LARGE1: variants seen among roughly 807,000 people sequenced by gnomAD.
LARGE1 encodes the protein LARGE xylosyl- and glucuronyltransferase 1.
In LARGE1, 43 loss-of-function variants were observed where a neutral mutation model predicts 87.6. The ratio of observed to expected loss-of-function variants is 0.49; its 90% CI spans 0.38 to 0.63. The LOEUF is 0.63. LARGE1 is among the 30% of genes least tolerant of loss of function. LARGE1 has a pLI of 0.00. For synonymous variants in LARGE1, 434 were observed against 394.6 expected, an observed-to-expected ratio of 1.10 and a Z score of -1.18; for missense variants, 802 against 1,000.2, an observed-to-expected ratio of 0.80 and a Z score of 2.67.
At chr22:33,676,699 T>G (rs2081590125) in intron 2 of LARGE1, among the ~76,000 whole-genome samples, 1 of 152,170 alleles carries the variant, frequency 6.6e-6, no homozygotes. Context: ...GTTGGCAAAC[T>G]TTTCCTACAA....
At chr22:33,599,480 G>C (rs8135942) in intron 5 of LARGE1, among the ~76,000 whole-genome samples, 22,216 of 152,106 alleles carry the variant, frequency 0.15, 1,839 homozygotes, top group African/African-American at 0.22. Context: ...GGAAACAAAT[G>C]GGCCATGTAA....
At chr22:33,724,375 C>T (rs1244761140) in intron 2 of LARGE1, 1 of 152,298 alleles carries the variant, frequency 6.6e-6, no homozygotes, top group East Asian at 1.9e-4. Flanking sequence ...AGGACTAAGT[C>T]CCATAATACA....
the LARGE1 span, among the ~76,000 whole-genome samples, chr22:33,071,079 C>T: frequency 6.6e-6 from 1 of 152,164 alleles, no homozygotes; most frequent in Non-Finnish European, 1.5e-5. Flanking sequence ...AACGCTACCT[C>T]CTACCCTTTT....
At chr22:33,280,170 G>T (rs1482962716) in intron 13 of LARGE1, among the ~76,000 whole-genome samples, 4 of 152,082 alleles carry the variant, frequency 2.6e-5, no homozygotes, top group Non-Finnish European at 5.9e-5. Context: ...CATTCAACAG[G>T]TATGGGTACA....
intron 6 of LARGE1, among the ~76,000 whole-genome samples, chr22:33,534,231 T>C (rs370951019): frequency 2.8e-4 from 43 of 151,990 alleles, no homozygotes; most frequent in African/African-American, 7.5e-4. Context: ...GGTGAAACCC[T>C]GTCTCTACTA....
intron 6 of LARGE1, among the ~76,000 whole-genome samples, chr22:33,447,059 A>G (rs1202430631): frequency 6.6e-6 from 1 of 152,090 alleles, no homozygotes; most frequent in African/African-American, 2.4e-5. Context: ...GCAATCAGCT[A>G]ATTTTTGTAT....
At position 33,587,368 on chromosome 22, in the gene LARGE1, T is replaced by C. The variant is rs16992586; in HGVS notation, c.615+17067A>G. Among the ~76,000 whole-genome samples the C allele has an allele frequency of 2.5e-3, 379 of 152,330 alleles. 1 individual carries two copies. Among genetic ancestry groups the C allele is most frequent in the African/African-American group, 8.6e-3 (356 of 41,594 alleles). On this transcript the variant is annotated intron_variant, in intron 5 of 14. Coordinates refer to ENST00000397394, the MANE Select transcript of LARGE1 (RefSeq NM_133642.5). ...AAAATATCCAAAAAGGGTATTCTGA[T>C]GTTGACTTACAATAGACAATTTAAG...
chr22:33,238,973 T>A (rs1053487686), intron 11 of LARGE1, among the ~76,000 whole-genome samples: 3 of 151,512 alleles, frequency 2.0e-5, no homozygotes, highest in African/African-American at 4.8e-5. Context: ...ATAATAAAAG[T>A]AAGAGTCAAA....
chr22:33,848,417 C>T (rs953223066), intron 1 of LARGE1, among the ~76,000 whole-genome samples: 35 of 54,702 alleles, frequency 6.4e-4, no homozygotes, highest in Non-Finnish European at 1.2e-3. Flanking sequence ...TTTGGCCAGC[C>T]CTCTATTTCT....
exon 12 of LARGE1, chr22:33,163,551 C>T (rs962432826): frequency 4.6e-5 from 7 of 152,226 alleles, no homozygotes; most frequent in Non-Finnish European, 7.3e-5. Context: ...AGACTTAATA[C>T]AGACGATGGC....
At chr22:33,712,381 G>A (rs897482778) in intron 2 of LARGE1, among the ~76,000 whole-genome samples, 7 of 152,164 alleles carry the variant, frequency 4.6e-5, no homozygotes, top group East Asian at 1.9e-4. Context: ...ACGAGAAGAC[G>A]GATCACAGGC....
the LARGE1 span, among the ~76,000 whole-genome samples, chr22:33,108,151 T>C: frequency 6.6e-6 from 1 of 152,216 alleles, no homozygotes; most frequent in Non-Finnish European, 1.5e-5. Context: ...ATGCAGCACA[T>C]AAGGCACCTA....
At chr22:33,617,063 C>G (rs1180023182) in intron 4 of LARGE1, among the ~76,000 whole-genome samples, 1 of 152,216 alleles carries the variant, frequency 6.6e-6, no homozygotes, top group Non-Finnish European at 1.5e-5. Context: ...TGTTTCTGGG[C>G]TTCCTTCCCT....
the LARGE1 span, among the ~76,000 whole-genome samples, chr22:33,095,537 A>G: frequency 1.3e-5 from 2 of 152,224 alleles, no homozygotes; most frequent in Non-Finnish European, 2.9e-5. Context: ...GGGAGGGTTA[A>G]GACTTCAAAA....
At chr22:33,583,672 C>T (rs1307337918) in intron 5 of LARGE1, among the ~76,000 whole-genome samples, 1 of 152,160 alleles carries the variant, frequency 6.6e-6, no homozygotes, top group Non-Finnish European at 1.5e-5. Flanking sequence ...GGAATCTGTA[C>T]ACTATAAAAT....
intron 11 of LARGE1, among the ~76,000 whole-genome samples, chr22:33,240,017 G>T (rs1418414516): frequency 6.6e-6 from 1 of 152,170 alleles, no homozygotes; most frequent in Non-Finnish European, 1.5e-5. Flanking sequence ...AGACGCCTAT[G>T]AGTGAAAAGC....
chr22:33,650,505 G>A lies in LARGE1; in HGVS notation c.270C>T (p.Ala90=), dbSNP rs866057578. ...AGTGGTTGCCTCGGCGATGGGATGGGGCTCGGCCCTGGGCCAGGCTGAGCT... is the reference window on the plus strand; with the variant it reads ...AGTGGTTGCCTCGGCGATGGGATGGAGCTCGGCCCTGGGCCAGGCTGAGCT... ...RRQLSLAQGR[A]PSHRRGNHSK... The change falls in exon 3 of 15, where the codon GCC becomes GCT. Residue 90 remains alanine, a synonymous_variant. Coordinates refer to ENST00000397394, the MANE Select transcript of LARGE1 (RefSeq NM_133642.5). The A allele has an allele frequency of 6.2e-7, 1 of 1,613,356 alleles. No homozygotes were observed. The highest frequency in any genetic ancestry group is 8.5e-7 in the Non-Finnish European group (1 of 1,180,020).
chr22:33,404,834 T>G (rs768779461), intron 7 of LARGE1, among the ~76,000 whole-genome samples: 12 of 152,136 alleles, frequency 7.9e-5, no homozygotes, highest in Non-Finnish European at 1.3e-4. Flanking sequence ...ATCTACTGAG[T>G]ACAGGGTGAA....
intron 2 of LARGE1, among the ~76,000 whole-genome samples, chr22:33,726,846 G>A (rs1020363512): frequency 2.0e-5 from 3 of 152,066 alleles, no homozygotes; most frequent in Non-Finnish European, 4.4e-5. Context: ...CTCCCCACTC[G>A]GATCATGCCT....
Sources: allele counts gnomAD v4.1 joint callset (sites outside exome capture counted in the v4.1 genomes callset), GRCh38; gene constraint gnomAD v4.1.1; transcripts MANE v1.5; gene names NCBI Gene and HGNC (gene_info 2026-07-23, HGNC 2026-07-21).